Variants in ACTN3 observed in about 807,000 individuals in gnomAD.
ACTN3 encodes the protein alpha-actinin-3.
ACTN3 carries 91 observed loss-of-function variants against 119.6 expected under a neutral mutation model. The observed-to-expected ratio is 0.76, with a 90% CI of 0.64 to 0.91. The LOEUF is 0.91. ACTN3 is among the 40% of genes least tolerant of loss of function. The pLI is 0.00. For synonymous variants in ACTN3, 456 were observed against 478.8 expected, an observed-to-expected ratio of 0.95 and a Z score of 0.62; for missense variants, 1,221 against 1,215.1, an observed-to-expected ratio of 1.00 and a Z score of -0.07.
chr11:66,548,735 G>T (rs1857415280), intron 1 of ACTN3, among the ~76,000 whole-genome samples: 1 of 152,100 alleles, frequency 6.6e-6, no homozygotes, highest in Admixed American at 6.6e-5. Context: ...GCAGCACGCT[G>T]CCTCCTCCCA....
chr11:66,555,098 C>G (rs1389507845), intron 5 of ACTN3, 32 bp from the exon 6 acceptor site: 2 of 1,610,556 alleles, frequency 1.2e-6, no homozygotes, highest in Admixed American at 3.3e-5. Context: ...CAGCTTGAAC[C>G]CAGGCCTGAC....
At chr11:66,553,011 C>T (rs1050240021) in intron 3 of ACTN3, among the ~76,000 whole-genome samples, 38 of 152,190 alleles carry the variant, frequency 2.5e-4, no homozygotes, top group Non-Finnish European at 4.9e-4. Flanking sequence ...AACCCCAGCA[C>T]TTTGGGAGGC....
At chr11:66,549,496 C>T (rs989070093) in intron 1 of ACTN3, among the ~76,000 whole-genome samples, 5 of 152,006 alleles carry the variant, frequency 3.3e-5, no homozygotes, top group Non-Finnish European at 5.9e-5. Flanking sequence ...CTTTGGGAGA[C>T]GGAGGGGGGC....
At chr11:66,559,853 C>A in intron 12 of ACTN3, 115 bp from the exon 13 acceptor site, 1 of 1,034,934 alleles carries the variant, frequency 9.7e-7, no homozygotes, top group Non-Finnish European at 1.4e-6. Flanking sequence ...CCACCACCTG[C>A]CCTGGCTCCC....
chr11:66,557,449 A>G (rs1857614475), intron 9 of ACTN3, among the ~76,000 whole-genome samples: 1 of 152,146 alleles, frequency 6.6e-6, no homozygotes, highest in South Asian at 2.1e-4. Flanking sequence ...TTCTGCATCG[A>G]TCCATTCACT....
chr11:66,560,555 C>T lies in ACTN3; in HGVS notation c.1678-18C>T. On this transcript the variant is annotated intron_variant, in intron 14 of 20. Transcript: ENST00000513398. ...AAGTGGGGGACACCAGCTGACACTT[C>T]CTGCCTGTCGTCCCCAGAGCCTGCT... The T allele has an allele frequency of 6.3e-7, 1 of 1,599,240 alleles. No homozygotes were observed. Among genetic ancestry groups the T allele is most frequent in the East Asian group, 2.2e-5 (1 of 44,756 alleles).
In ACTN3 at chr11:66,547,059, C is replaced by T. The variant is rs200315462; in HGVS notation, c.122C>T (p.Pro41Leu). 1.3e-6 allele frequency: 2 copies of T among 1,508,820 alleles called. No homozygotes were observed. The highest frequency in any genetic ancestry group is 8.8e-7 in the Non-Finnish European group (1 of 1,130,340). 93.5% of individuals were successfully genotyped at this position (1,508,820 alleles called of 1,614,324 possible). ...TGGGACCGCGACCTGCTGCTGGACC[C>T]GGCCTGGGAGAAGCAGCAGCGGAAA... ...EDWDRDLLLD[P>L]AWEKQQRKTF... Residue 41 changes from proline to leucine, a missense_variant, in exon 1 of 21, where the codon CCG becomes CTG. Pro to Leu is a moderately conservative substitution (Grantham distance 98). Transcript: ENST00000513398.
At chr11:66,554,361 G>A (rs1227023896) in intron 4 of ACTN3, among the ~76,000 whole-genome samples, 175 bp from the exon 5 acceptor site, 3 of 151,422 alleles carry the variant, frequency 2.0e-5, no homozygotes, top group Non-Finnish European at 4.4e-5. Flanking sequence ...GGGAGGCTGA[G>A]GTAGGAGGAT....
rs1218816105 is a variant in ACTN3, at chr11:66,562,051, C to T, written c.2205C>T (p.Leu735=). 2 of 1,612,888 alleles carry T rather than the reference C, an allele frequency of 1.2e-6. No individual in the cohort carries two copies. Among genetic ancestry groups the T allele is most frequent in the Middle Eastern group, 1.7e-4 (1 of 6,060 alleles). ...EHIRVGWEQL[L]TSIARTINEV... is the part of the protein sequence containing the mutation. ...TCCGCGTGGGCTGGGAGCAGCTGCTCACCTCCATTGCCCGCACCATCAATG... is the reference window on the plus strand; with the variant it reads ...TCCGCGTGGGCTGGGAGCAGCTGCTTACCTCCATTGCCCGCACCATCAATG... Residue 735 remains leucine (L), a synonymous_variant, in exon 18 of 21, where the codon CTC becomes CTT. Transcript: ENST00000513398.
At chr11:66,550,730 G>A (rs1310540729) in intron 1 of ACTN3, among the ~76,000 whole-genome samples, 2 of 152,186 alleles carry the variant, frequency 1.3e-5, no homozygotes, top group Non-Finnish European at 2.9e-5. Context: ...TACTCATGTA[G>A]GGTCTACTTG....
chr11:66,560,109 G>GGGGGGGGT, intron 13 of ACTN3, 33 bp downstream of exon 13: 1 of 1,048,646 alleles, frequency 9.5e-7, no homozygotes, highest in African/African-American at 1.7e-5. Context: ...TGGGGGGTGG[G>GGGGGGGGT]TAGGTGGGTG....
chr11:66,548,411 A>G (rs1297490030), intron 1 of ACTN3, among the ~76,000 whole-genome samples: 1 of 151,620 alleles, frequency 6.6e-6, no homozygotes, highest in African/African-American at 2.4e-5. Context: ...TGCCCCCCAT[A>G]TGACACGTGC....
rs1429195127 is a variant in ACTN3 at position 66,561,650 on chromosome 11, C to T, written c.2175+13C>T. 1.2e-6 allele frequency: 2 copies of T among 1,606,732 alleles called. No homozygotes were observed. Among genetic ancestry groups the T allele is most frequent in the East Asian group, 2.2e-5 (1 of 44,722 alleles). ...CTACAGCATGGAGGTGGGATCACAC[C>T]CTCTCAGGAGAGTGGGGAGGCAGCA... On this transcript the variant is annotated intron_variant, in intron 17 of 20. Coordinates refer to ENST00000513398, the MANE Select transcript of ACTN3 (RefSeq NM_001104.4).
intron 2 of ACTN3, 73 bp from the exon 3 acceptor site, chr11:66,551,455 G>C (rs944084341): frequency 6.4e-6 from 10 of 1,572,982 alleles, no homozygotes; most frequent in Non-Finnish European, 8.6e-6. Flanking sequence ...TGGTGGGGAG[G>C]GGAGAGTTTG....
Position 66,549,239 on chromosome 11 carries a change from G to A in ACTN3, c.148-2000G>A, listed in dbSNP as rs1857424176. Among the ~76,000 whole-genome samples, 5 of 152,256 alleles carry A rather than the reference G, an allele frequency of 3.3e-5. No homozygotes were observed. In the South Asian group the frequency reaches 1.0e-3, roughly 32 times the overall value. On this transcript the variant is annotated intron_variant, in intron 1 of 20. Transcript: ENST00000513398. Reference sequence around the variant, plus strand: ...CTGCATGGCAGCCCCTGCCTGAAATGCCCTTGCCTGCCCTTCCCTTCCTGA... The same window carrying A: ...CTGCATGGCAGCCCCTGCCTGAAATACCCTTGCCTGCCCTTCCCTTCCTGA...
intron 14 of ACTN3, 123 bp from the exon 15 acceptor site, chr11:66,560,450 G>A: frequency 6.8e-7 from 1 of 1,470,056 alleles, no homozygotes; most frequent in Non-Finnish European, 9.1e-7. Flanking sequence ...GAAGACAGGA[G>A]GCCGGGGTTC....
chr11:66,557,903 A>C lies in ACTN3; in HGVS notation c.1102A>C (p.Met368Leu). 2 of 1,613,828 alleles carry C rather than the reference A, an allele frequency of 1.2e-6. No homozygotes were observed. Among genetic ancestry groups the C allele is most frequent in the Non-Finnish European group, 1.7e-6 (2 of 1,179,958 alleles). ...GCGGCTCAGCCACCGGCCTGCCTTC[A>C]TGCCCTCCGAGGGCAAGCTGGTCTC... ...KLRLSHRPAF[M>L]PSEGKLVSDI... is the part of the protein sequence containing the mutation. The change falls in exon 10 of 21, where the codon ATG becomes CTG. Residue 368 changes from methionine (M) to leucine (L), a missense_variant. Transcript: ENST00000513398.
chr11:66,557,594 C>A, intron 9 of ACTN3, 105 bp from the exon 10 acceptor site: 1 of 1,222,962 alleles, frequency 8.2e-7, no homozygotes. Flanking sequence ...TCAAAGTCAC[C>A]CCCACCTACA....
At chr11:66,561,662 G>C in intron 17 of ACTN3, 25 bp downstream of exon 17, 1 of 1,600,536 alleles carries the variant, frequency 6.2e-7, no homozygotes, top group Non-Finnish European at 8.5e-7. Context: ...TCTCAGGAGA[G>C]TGGGGAGGCA....
Sources: allele counts gnomAD v4.1 joint callset (sites outside exome capture counted in the v4.1 genomes callset), GRCh38; gene constraint gnomAD v4.1.1; transcripts MANE v1.5; gene names NCBI Gene and HGNC (gene_info 2026-07-23, HGNC 2026-07-21).